The following UBR3 variants were observed in gnomAD, a reference collection of about 807,000 sequenced individuals.
UBR3 encodes the protein ubiquitin protein ligase E3 component n-recognin 3.
In UBR3, 85 loss-of-function variants were observed where a neutral mutation model predicts 243.2. The observed-to-expected ratio is 0.35, with a 90% CI of 0.29 to 0.42. The LOEUF is 0.42. Among genes scored for constraint, UBR3 ranks in the 10% least tolerant of loss-of-function variants. UBR3 has a pLI of 1.00. For missense variants in UBR3, 1,686 were observed against 2,300.8 expected, an observed-to-expected ratio of 0.73 and a Z score of 5.47; for synonymous variants, 748 against 799.8, an observed-to-expected ratio of 0.94 and a Z score of 1.09.
At chr2:170,074,316 G>C (rs1574484401) in intron 36 of UBR3, among the ~76,000 whole-genome samples, 1 of 152,200 alleles carries the variant, frequency 6.6e-6, no homozygotes, top group Admixed American at 6.5e-5. Context: ...TATAGGACTT[G>C]GTGACCAGAT....
intron 31 of UBR3, among the ~76,000 whole-genome samples, chr2:170,030,947 C>T (rs2090651509): frequency 6.6e-6 from 1 of 152,016 alleles, no homozygotes; most frequent in African/African-American, 2.4e-5. Flanking sequence ...AAAATTGGAT[C>T]ATTGGTCTTT....
At chr2:169,909,084 A>G (rs1574176358) in intron 10 of UBR3, among the ~76,000 whole-genome samples, 1 of 152,114 alleles carries the variant, frequency 6.6e-6, no homozygotes, top group East Asian at 1.9e-4. Flanking sequence ...CGGCCTCCCA[A>G]AGTGCTGGGA....
At chr2:170,067,613 T>C (rs1441899193) in intron 35 of UBR3, among the ~76,000 whole-genome samples, 1 of 152,072 alleles carries the variant, frequency 6.6e-6, no homozygotes, top group African/African-American at 2.4e-5. Flanking sequence ...TGTCAAGCCG[T>C]AAAGTATCAA....
intron 1 of UBR3, among the ~76,000 whole-genome samples, chr2:169,829,383 G>T (rs1167568773): frequency 6.6e-6 from 1 of 151,072 alleles, no homozygotes; most frequent in Non-Finnish European, 1.5e-5. Context: ...TTTTGAATTT[G>T]CTAATAATAA....
chr2:170,069,439 C>CTT (rs1463299815), intron 35 of UBR3, among the ~76,000 whole-genome samples: 1 of 152,000 alleles, frequency 6.6e-6, no homozygotes, highest in Non-Finnish European at 1.5e-5. Flanking sequence ...ACATAGTTAT[C>CTT]TGTTTTCTGA....
intron 26 of UBR3, among the ~76,000 whole-genome samples, chr2:169,999,885 A>T (rs1383008206): frequency 6.6e-6 from 1 of 152,206 alleles, no homozygotes; most frequent in Non-Finnish European, 1.5e-5. Context: ...GCACTTTGGG[A>T]GGCCGAGACG....
At chr2:169,873,920 TATC>T (rs1438661905) in intron 2 of UBR3, among the ~76,000 whole-genome samples, 1 of 152,152 alleles carries the variant, frequency 6.6e-6, no homozygotes, top group Non-Finnish European at 1.5e-5. Flanking sequence ...CCTTAAAGCT[TATC>T]ATTAGTTTAA....
rs559655083 is a variant in UBR3, at chr2:169,998,894, C to T, written c.3919-2410C>T. On this transcript the variant is annotated intron_variant, in intron 26 of 38. Coordinates refer to ENST00000272793, the MANE Select transcript of UBR3 (RefSeq NM_172070.4). ...AACTTAGTGATCTTGGTAAAGTTATCATTCCTCTCTTGTAAAAAGGGATAA... is the reference window on the plus strand; with the variant it reads ...AACTTAGTGATCTTGGTAAAGTTATTATTCCTCTCTTGTAAAAAGGGATAA... Among the ~76,000 whole-genome samples the T allele has an allele frequency of 9.2e-5, 14 of 152,266 alleles. 1 individual carries two copies. The highest frequency in any genetic ancestry group is 3.4e-4 in the African/African-American group (14 of 41,558).
chr2:170,081,675 G>A (rs1198632443), intron 38 of UBR3, 51 bp from the exon 39 acceptor site: 1 of 1,351,806 alleles, frequency 7.4e-7, no homozygotes, highest in Non-Finnish European at 1.0e-6. Context: ...AGAAATGCAT[G>A]TGAAATCTTC....
intron 33 of UBR3, among the ~76,000 whole-genome samples, chr2:170,057,174 G>A (rs1245156639): frequency 1.3e-5 from 2 of 149,972 alleles, no homozygotes; most frequent in South Asian, 4.2e-4. Context: ...GTAGTGCAAT[G>A]GTATGATCAG....
In UBR3 at chr2:169,845,492, T is replaced by G. The variant is rs1239987054; in HGVS notation, c.545+17440T>G. On this transcript the variant is annotated intron_variant, in intron 1 of 38. Coordinates refer to ENST00000272793, the MANE Select transcript of UBR3 (RefSeq NM_172070.4). Reference sequence around the variant, plus strand: ...TGACTATTAGTAATTCCTTTCCCTCTTCGTCGTCATCGTCGTCGTCGTCGT... The same window carrying G: ...TGACTATTAGTAATTCCTTTCCCTCGTCGTCGTCATCGTCGTCGTCGTCGT... Among the ~76,000 whole-genome samples the G allele has an allele frequency of 8.1e-5, 10 of 123,504 alleles. 1 individual carries two copies. The highest frequency in any genetic ancestry group is 7.4e-4 in the South Asian group (3 of 4,068). 81.0% of individuals were successfully genotyped at this position (123,504 alleles called of 152,430 possible).
At chr2:169,951,073 A>G (rs1267202738) in intron 23 of UBR3, among the ~76,000 whole-genome samples, 2 of 152,190 alleles carry the variant, frequency 1.3e-5, no homozygotes, top group Non-Finnish European at 2.9e-5. Flanking sequence ...AGCAACAATT[A>G]TAGGGGAAGG....
At chr2:169,978,238 T>C (rs1403675574) in intron 24 of UBR3, among the ~76,000 whole-genome samples, 1 of 152,186 alleles carries the variant, frequency 6.6e-6, no homozygotes, top group Non-Finnish European at 1.5e-5. Context: ...GTCATGTCTT[T>C]CATGGACTGT....
At chr2:169,945,993 C>G (rs2086776986) in intron 20 of UBR3, among the ~76,000 whole-genome samples, 1 of 152,282 alleles carries the variant, frequency 6.6e-6, no homozygotes, top group South Asian at 2.1e-4. Flanking sequence ...GTGCTAAACA[C>G]ATTTGCATGG....
intron 1 of UBR3, among the ~76,000 whole-genome samples, chr2:169,843,553 A>C (rs73022473): frequency 0.043 from 6,624 of 152,322 alleles, 163 homozygotes; most frequent in Middle Eastern, 0.068. Flanking sequence ...TTGGAGAGGT[A>C]ACATATTCAA....
chr2:169,833,161 G>A (rs2081990632), intron 1 of UBR3, among the ~76,000 whole-genome samples: 1 of 152,132 alleles, frequency 6.6e-6, no homozygotes, highest in South Asian at 2.1e-4. Context: ...TTTGATCCAT[G>A]TTTAGTTAAA....
chr2:169,889,982 C>CT (rs1257722035), intron 5 of UBR3, among the ~76,000 whole-genome samples: 1 of 152,118 alleles, frequency 6.6e-6, no homozygotes, highest in Non-Finnish European at 1.5e-5. Context: ...TACCGCACCT[C>CT]TTTATAATAT....
intron 36 of UBR3, among the ~76,000 whole-genome samples, chr2:170,075,534 G>A (rs1158465388): frequency 1.3e-5 from 2 of 152,088 alleles, no homozygotes; most frequent in Non-Finnish European, 2.9e-5. Context: ...ATATAATTAG[G>A]TGATAATTAT....
chr2:169,862,262 G>A (rs748570115), intron 1 of UBR3, among the ~76,000 whole-genome samples: 13 of 151,684 alleles, frequency 8.6e-5, no homozygotes, highest in Non-Finnish European at 1.8e-4. Context: ...ACTTAAACCC[G>A]TGTAGATGGA....
Sources: gnomAD v4.1 joint callset for allele counts (sites outside exome capture counted in the v4.1 genomes callset) on GRCh38, gnomAD v4.1.1 for gene constraint, MANE v1.5 for transcripts, NCBI Gene and HGNC (gene_info 2026-07-23, HGNC 2026-07-21) for gene names.